The following NSMCE2 variants were observed in gnomAD, a reference collection of about 807,000 sequenced individuals.
NSMCE2 encodes E3 SUMO-protein ligase NSE2.
Under a neutral mutation model 23.8 loss-of-function variants are expected in NSMCE2, and 24 were observed. The ratio of observed to expected loss-of-function variants is 1.01; its 90% CI spans 0.73 to 1.42. The LOEUF (loss-of-function observed/expected upper bound fraction) is 1.42. NSMCE2 is among the 40% of genes most tolerant of loss of function. The pLI, the probability that NSMCE2 is intolerant of heterozygous loss-of-function variation, is 0.00. For missense variants in NSMCE2, 284 were observed against 296.5 expected (o/e 0.96, Z 0.31); for synonymous variants, 92 against 94.1 (o/e 0.98, Z 0.13).
At chr8:125,292,859 C>T (rs752353315) in intron 5 of NSMCE2, among the ~76,000 whole-genome samples, 4 of 152,200 alleles carry the variant, frequency 2.6e-5, no homozygotes, top group Admixed American at 6.5e-5. Flanking sequence ...CCCATCAAAG[C>T]TTATAATCAT....
At chr8:125,290,858 ATAAAT>A (rs1445300687) in intron 5 of NSMCE2, among the ~76,000 whole-genome samples, 2 of 152,246 alleles carry the variant, frequency 1.3e-5, no homozygotes, top group Non-Finnish European at 2.9e-5. Context: ...CTATCTCAGT[ATAAAT>A]TATTTATAGA....
Position 125,182,182 on chromosome 8 carries a change from AT to A in NSMCE2, c.346del (p.Ser116LeufsTer18), listed in dbSNP as rs757613817. 356 of 1,606,854 alleles carry A rather than the reference AT, an allele frequency of 2.2e-4. No individual in the cohort carries two copies. Among genetic ancestry groups the A allele is most frequent in the Middle Eastern group, 3.3e-4 (2 of 6,008 alleles). On this transcript the variant is annotated frameshift_variant, in exon 5 of 8. Coordinates refer to ENST00000287437, the MANE Select transcript of NSMCE2 (RefSeq NM_173685.4). LOFTEE classifies it high-confidence loss of function. ...EKKFLALQSK[N>X]SDADFQNNEK... Reference sequence around the variant, plus strand: ...AAATTTTTGGCTTTACAGAGCAAGAATTCTGATGCAGACTTTCAAAATAATG... The same window carrying A: ...AAATTTTTGGCTTTACAGAGCAAGAATCTGATGCAGACTTTCAAAATAATG...
At chr8:125,295,216 T>C (rs1828274799) in intron 5 of NSMCE2, among the ~76,000 whole-genome samples, 1 of 152,130 alleles carries the variant, frequency 6.6e-6, no homozygotes, top group Admixed American at 6.5e-5. Context: ...CTAAACCAGT[T>C]TTTCATCCAT....
intron 5 of NSMCE2, 124 bp from the exon 6 acceptor site, chr8:125,357,095 C>T (rs1304043672): frequency 1.6e-6 from 1 of 642,502 alleles, no homozygotes. Flanking sequence ...TCTATGCATC[C>T]AGTCCTTACA....
intron 7 of NSMCE2, among the ~76,000 whole-genome samples, chr8:125,365,789 G>A (rs201291957): frequency 6.6e-5 from 10 of 152,102 alleles, no homozygotes; most frequent in East Asian, 5.8e-4. Context: ...CCCAGGAGGC[G>A]GAAGTTGCAG....
chr8:125,312,659 G>A (rs993936635), intron 5 of NSMCE2, among the ~76,000 whole-genome samples: 1 of 152,134 alleles, frequency 6.6e-6, no homozygotes, highest in African/African-American at 2.4e-5. Flanking sequence ...AAATAAATGT[G>A]TTGCATCTGC....
At chr8:125,363,180 C>T (rs1813629260) in intron 7 of NSMCE2, 1 of 152,178 alleles carries the variant, frequency 6.6e-6, no homozygotes, top group African/African-American at 2.4e-5. Context: ...GTATCCTCTT[C>T]ATGATCTTAG....
chr8:125,110,926 G>A (rs989545476), intron 3 of NSMCE2, among the ~76,000 whole-genome samples: 36 of 152,000 alleles, frequency 2.4e-4, no homozygotes, highest in Admixed American at 6.5e-4. Flanking sequence ...ACTGACCCTA[G>A]ACTGTCTACT....
chr8:125,151,655 T>G (rs1295913697), intron 4 of NSMCE2, among the ~76,000 whole-genome samples: 1 of 152,214 alleles, frequency 6.6e-6, no homozygotes, highest in Non-Finnish European at 1.5e-5. Context: ...TCTCTAACTT[T>G]AATATGCATC....
intron 5 of NSMCE2, among the ~76,000 whole-genome samples, chr8:125,285,051 T>G (rs1827841408): frequency 6.6e-6 from 1 of 152,220 alleles, no homozygotes; most frequent in South Asian, 2.1e-4. Context: ...ATAGTCTGAA[T>G]TAGAGGCAAA....
rs181512280 is a variant in NSMCE2 at position 125,297,553 on chromosome 8, A to G, written c.419-59666A>G. ...AGTAAAAACTAGGGTGAAATCTCTT[A>G]ATTAACAAACACTTAGGCTGTAATC... On this transcript the variant is annotated intron_variant, in intron 5 of 7. Transcript: ENST00000287437. 1.8e-3 allele frequency among the ~76,000 whole-genome samples: 269 copies of G among 152,256 alleles called. 1 individual carries two copies. Among genetic ancestry groups the G allele is most frequent in the African/African-American group, 6.2e-3 (258 of 41,560 alleles).
chr8:125,337,752 G>T (rs541445027), intron 5 of NSMCE2, among the ~76,000 whole-genome samples: 2 of 152,046 alleles, frequency 1.3e-5, no homozygotes, highest in East Asian at 1.9e-4. Flanking sequence ...AAAATTAGCC[G>T]GGCGTGGTGG....
chr8:125,301,982 C>A (rs2131200890), intron 5 of NSMCE2, among the ~76,000 whole-genome samples: 1 of 148,774 alleles, frequency 6.7e-6, no homozygotes, highest in Middle Eastern at 3.7e-3. Flanking sequence ...TTTTTTGAGA[C>A]CGAGTCTCAC....
chr8:125,305,936 T>G (rs1436391598), intron 5 of NSMCE2, among the ~76,000 whole-genome samples: 1 of 152,140 alleles, frequency 6.6e-6, no homozygotes, highest in Non-Finnish European at 1.5e-5. Context: ...AAATGTTATT[T>G]TAGGGTGCTG....
chr8:125,218,173 A>G (rs79769550), intron 5 of NSMCE2, among the ~76,000 whole-genome samples: 4,732 of 152,236 alleles, frequency 0.031, 238 homozygotes, highest in African/African-American at 0.11. Context: ...CATGCATCCC[A>G]CTTTAGAAAC....
intron 5 of NSMCE2, among the ~76,000 whole-genome samples, chr8:125,341,704 C>T (rs1203656597): frequency 6.6e-6 from 1 of 151,962 alleles, no homozygotes; most frequent in Non-Finnish European, 1.5e-5. Context: ...ATGGTAGAGC[C>T]AAGGTCCAGA....
intron 5 of NSMCE2, among the ~76,000 whole-genome samples, chr8:125,228,562 T>A (rs1380978840): frequency 2.1e-4 from 32 of 152,198 alleles, no homozygotes. Context: ...GAAGCATGGA[T>A]TTAATTTCAC....
At chr8:125,271,907 G>A (rs187941506) in intron 5 of NSMCE2, among the ~76,000 whole-genome samples, 7 of 152,176 alleles carry the variant, frequency 4.6e-5, no homozygotes, top group African/African-American at 1.7e-4. Context: ...TATAGGTGGG[G>A]ATTATTGCTC....
At chr8:125,316,721 TCTTTC>T (rs1422990991) in intron 5 of NSMCE2, among the ~76,000 whole-genome samples, 10 of 81,324 alleles carry the variant, frequency 1.2e-4, no homozygotes, top group Non-Finnish European at 2.4e-4. Context: ...TTTCCTTCTT[TCTTTC>T]CTTCTTTTCC....
Sources: gnomAD v4.1 joint callset for allele counts (sites outside exome capture counted in the v4.1 genomes callset) on GRCh38, gnomAD v4.1.1 for gene constraint, MANE v1.5 for transcripts, NCBI Gene and HGNC (gene_info 2026-07-23, HGNC 2026-07-21) for gene names.